The following MLH3 variants were observed in gnomAD, a reference collection of about 807,000 sequenced individuals.
The protein encoded by MLH3 is DNA mismatch repair protein Mlh3.
In MLH3, 82 loss-of-function variants were observed where a neutral mutation model predicts 122.2. That is an observed-to-expected ratio of 0.67 (90% CI 0.56 to 0.81). The LOEUF is 0.81. MLH3 is among the 30% of genes least tolerant of loss of function. The pLI, the probability that MLH3 is intolerant of heterozygous loss-of-function variation, is 0.00. For missense variants in MLH3, 1,539 were observed against 1,714.5 expected (o/e 0.90, Z 1.81); for synonymous variants, 524 against 599.5 (o/e 0.87, Z 1.84).
intron 2 of MLH3, 49 bp downstream of exon 2, chr14:75,046,327 C>T (rs2139542843): frequency 1.3e-6 from 2 of 1,588,232 alleles, no homozygotes; most frequent in Middle Eastern, 1.7e-4. Flanking sequence ...CCTTGTCCAG[C>T]ATTCCCATCT....
In MLH3 at chr14:75,047,147, C is replaced by A; in HGVS notation, c.2509G>T (p.Asp837Tyr). 3.1e-6 allele frequency: 5 copies of A among 1,614,186 alleles called. No individual in the cohort carries two copies. The highest frequency in any genetic ancestry group is 8.5e-7 in the Non-Finnish European group (1 of 1,180,018). The change falls in exon 2 of 13, where the codon GAT (aspartate) becomes TAT (tyrosine). Residue 837 changes from aspartate to tyrosine, a missense_variant. Transcript: ENST00000355774. ...SEKFPFSKDE[D>Y]CLEQQMPSLR... ...CTAGGCATCTGTTGTTCTAAACAAT[C>A]TTCATCCTTGGAGAATGGAAACTTC...
intron 6 of MLH3, 109 bp from the exon 7 acceptor site, chr14:75,033,599 C>T (rs1260994727): frequency 1.4e-5 from 11 of 798,232 alleles, no homozygotes; most frequent in Non-Finnish European, 2.2e-5. Flanking sequence ...CAGCATAAGA[C>T]AAAACATTCT....
chr14:75,019,551 T>C (rs1890137536), intron 11 of MLH3, among the ~76,000 whole-genome samples: 1 of 152,172 alleles, frequency 6.6e-6, no homozygotes, highest in African/African-American at 2.4e-5. Context: ...GTAGGAGGCA[T>C]TCCTTAACTT....
chr14:75,028,510 C>T (rs142583871), intron 9 of MLH3, among the ~76,000 whole-genome samples: 38 of 151,494 alleles, frequency 2.5e-4, no homozygotes, highest in African/African-American at 8.2e-4. Flanking sequence ...CTCCACCTTC[C>T]GGGTTCAAGC....
chr14:75,029,679 G>T (rs1890907541), intron 9 of MLH3, among the ~76,000 whole-genome samples: 3 of 152,076 alleles, frequency 2.0e-5, no homozygotes, highest in African/African-American at 7.2e-5. Flanking sequence ...GGGATTATAG[G>T]CATGCACCAC....
intron 6 of MLH3, among the ~76,000 whole-genome samples, chr14:75,036,384 C>A (rs11629079): frequency 0.5 from 75,314 of 151,364 alleles, 19,794 homozygotes; most frequent in East Asian, 0.84. Context: ...TTCGCTCTGT[C>A]ACCCAGGCTG....
chr14:75,047,034 G>C lies in MLH3; in HGVS notation c.2622C>G (p.Ala874=), dbSNP rs753017739. 6.2e-7 allele frequency: 1 copy of C among 1,614,004 alleles called. No individual in the cohort carries two copies. Among genetic ancestry groups the C allele is most frequent in the Admixed American group, 1.7e-5 (1 of 60,002 alleles). ...AACCCTTCAGTCTGGATAATTTAGA[G>C]GCTAGTGATTCAGATGACTTCTCAA... The part of the protein sequence containing the change: ...LDLEKSSESL[A]SKLSRLKGSE... Residue 874 remains alanine (A), a synonymous_variant, in exon 2 of 13, where the codon GCC becomes GCG. Transcript: ENST00000355774.
chr14:75,017,989 T>C (rs955945528), intron 12 of MLH3, among the ~76,000 whole-genome samples: 4 of 151,532 alleles, frequency 2.6e-5, no homozygotes, highest in Non-Finnish European at 5.9e-5. Context: ...CTACTAAAAA[T>C]ACAGAATTAG....
At chr14:75,036,943 C>T (rs1891456741) in intron 6 of MLH3, among the ~76,000 whole-genome samples, 1 of 152,124 alleles carries the variant, frequency 6.6e-6, no homozygotes, top group Non-Finnish European at 1.5e-5. Context: ...GGGACTCCAC[C>T]CCTACTCCTA....
chr14:75,023,409 CTG>C (rs1890420189), intron 9 of MLH3, among the ~76,000 whole-genome samples: 1 of 152,194 alleles, frequency 6.6e-6, no homozygotes, highest in Non-Finnish European at 1.5e-5. Context: ...TACACACAAA[CTG>C]AGAATAAATA....
In MLH3 at chr14:75,016,930, G is replaced by T; in HGVS notation, c.*152C>A. 1.2e-6 allele frequency: 1 copy of T among 844,648 alleles called. No individual in the cohort carries two copies. 52.3% of individuals were successfully genotyped at this position (844,648 alleles called of 1,614,324 possible). A position where few individuals can be genotyped will look rare whatever the true frequency, so the allele number is the denominator to read the frequency against. On this transcript the variant is annotated 3_prime_UTR_variant, in exon 13 of 13. Coordinates refer to ENST00000355774, the MANE Select transcript of MLH3 (RefSeq NM_001040108.2). Reference sequence around the variant, plus strand: ...TCAACTAGGGGAATCATCTGCTCAAGAAAGACTGATACAGAGAGCCCTGCT... The same window carrying T: ...TCAACTAGGGGAATCATCTGCTCAATAAAGACTGATACAGAGAGCCCTGCT...
chr14:75,017,495 C>T (rs993851029), intron 12 of MLH3, among the ~76,000 whole-genome samples: 2 of 151,814 alleles, frequency 1.3e-5, no homozygotes, highest in Non-Finnish European at 2.9e-5. Context: ...GAGCCAAGAT[C>T]ATGCCACTGC....
rs1009877903 is a variant in MLH3, at chr14:75,022,737, C to T, written c.4090+77G>A. ...GTCAAGTAGTAAATGTACCCTCTGC[C>T]TCTTTTGTAATCCCGGCAGCCCTGC... is the stretch of plus-strand genomic sequence containing the variant. On this transcript the variant is annotated intron_variant, in intron 11 of 12. Coordinates refer to ENST00000355774, the MANE Select transcript of MLH3 (RefSeq NM_001040108.2). 4.9e-6 allele frequency: 6 copies of T among 1,227,148 alleles called. No individual in the cohort carries two copies. In the African/African-American group the frequency reaches 7.4e-5, roughly 15 times the overall value. The allele number at this position is 1,227,148 out of a possible 1,614,324, so 76.0% of individuals were successfully genotyped here.
intron 7 of MLH3, among the ~76,000 whole-genome samples, chr14:75,032,526 G>A (rs937859226): frequency 6.6e-6 from 1 of 152,154 alleles, no homozygotes; most frequent in African/African-American, 2.4e-5. Context: ...GCTCCAGAAG[G>A]CTTCCCTTTC....
chr14:75,018,127 A>C (rs1401419110), intron 12 of MLH3, among the ~76,000 whole-genome samples: 1 of 150,374 alleles, frequency 6.7e-6, no homozygotes, highest in Non-Finnish European at 1.5e-5. Context: ...CCTGCGCAAC[A>C]ACAGCAAAAC....
At chr14:75,031,014 C>T (rs949802158) in intron 8 of MLH3, among the ~76,000 whole-genome samples, 2 of 152,118 alleles carry the variant, frequency 1.3e-5, no homozygotes, top group African/African-American at 4.8e-5. Context: ...GGGAGTCTGG[C>T]ATGAAGAAAA....
chr14:75,039,953 C>G lies in MLH3; in HGVS notation c.3528G>C (p.Leu1176Phe), dbSNP rs1051361984. Reference sequence around the variant, plus strand: ...TTCCTTTGGTGAAACGATAGGGATACAAGATGTTGTGAATTTTAACTGCTA... The same window carrying G: ...TTCCTTTGGTGAAACGATAGGGATAGAAGATGTTGTGAATTTTAACTGCTA... ...ESLAVKIHNI[L>F]YPYRFTKGMI... is the part of the protein sequence containing the mutation. The change falls in exon 5 of 13, where the codon TTG (leucine) becomes TTC (phenylalanine). Residue 1176 changes from leucine to phenylalanine, a missense_variant. Leu to Phe is a conservative substitution (Grantham distance 22). Transcript: ENST00000355774. 1.3e-6 allele frequency: 2 copies of G among 1,589,992 alleles called. No individual in the cohort carries two copies. Among genetic ancestry groups the G allele is most frequent in the African/African-American group, 1.4e-5 (1 of 72,962 alleles).
chr14:75,036,643 C>T (rs1197843820), intron 6 of MLH3: 4 of 456,046 alleles, frequency 8.8e-6, no homozygotes, highest in South Asian at 6.2e-5. Flanking sequence ...CGTGCCTGGC[C>T]ACCTTGACAT....
chr14:75,027,469 A>T (rs1890706853), intron 9 of MLH3, among the ~76,000 whole-genome samples: 1 of 152,006 alleles, frequency 6.6e-6, no homozygotes, highest in Non-Finnish European at 1.5e-5. Context: ...CACGTTGGCC[A>T]GGCTGGTCTC....
Sources: gnomAD v4.1 joint callset for allele counts (sites outside exome capture counted in the v4.1 genomes callset) on GRCh38, gnomAD v4.1.1 for gene constraint, MANE v1.5 for transcripts, NCBI Gene and HGNC (gene_info 2026-07-23, HGNC 2026-07-21) for gene names.